TOM1L2: variants seen among roughly 807,000 people sequenced by gnomAD.
The protein encoded by TOM1L2 is TOM1-like protein 2.
In TOM1L2, 31 loss-of-function variants were observed where a neutral mutation model predicts 67.9. The ratio of observed to expected loss-of-function variants is 0.46; its 90% CI spans 0.34 to 0.62. The LOEUF (loss-of-function observed/expected upper bound fraction) is 0.62, where lower values mean the gene tolerates loss of function less well. TOM1L2 is among the 20% of genes least tolerant of loss of function. The pLI is 0.01. For missense variants in TOM1L2, 606 were observed against 663.5 expected, an observed-to-expected ratio of 0.91 and a Z score of 0.95; for synonymous variants, 256 against 254.0, an observed-to-expected ratio of 1.01 and a Z score of -0.07.
At chr17:17,881,821 C>T (rs548951073) in intron 6 of TOM1L2, among the ~76,000 whole-genome samples, 32 of 152,312 alleles carry the variant, frequency 2.1e-4, no homozygotes, top group African/African-American at 7.0e-4. Context: ...GTGAGGAACA[C>T]GACACAACAC....
chr17:17,848,961 G>A (rs2035811088), intron 13 of TOM1L2, 102 bp from the exon 14 acceptor site: 1 of 1,160,738 alleles, frequency 8.6e-7, no homozygotes. Flanking sequence ...GCACTGCCCA[G>A]GGTAGCCTGA....
intron 12 of TOM1L2, chr17:17,857,671 T>C (rs2143634887): frequency 9.2e-7 from 1 of 1,088,112 alleles, no homozygotes; most frequent in Non-Finnish European, 1.3e-6. Flanking sequence ...ACTGTCTGAT[T>C]CACAAAGGCT....
intron 1 of TOM1L2, among the ~76,000 whole-genome samples, chr17:17,926,968 C>T (rs1167380260): frequency 6.6e-6 from 1 of 152,220 alleles, no homozygotes; most frequent in East Asian, 1.9e-4. Context: ...GGCTAACAGA[C>T]TTATCACACA....
chr17:17,924,174 T>C (rs545582280), intron 1 of TOM1L2, among the ~76,000 whole-genome samples: 9 of 152,068 alleles, frequency 5.9e-5, no homozygotes, highest in African/African-American at 1.9e-4. Flanking sequence ...TGACTACATA[T>C]TGTATGATTC....
intron 13 of TOM1L2, among the ~76,000 whole-genome samples, chr17:17,850,101 G>A (rs1224177240): frequency 6.6e-6 from 1 of 152,160 alleles, no homozygotes; most frequent in East Asian, 1.9e-4. Context: ...CCCCTACAGA[G>A]GAGGCACCTA....
At chr17:17,868,030 G>C (rs1320945519) in intron 8 of TOM1L2, among the ~76,000 whole-genome samples, 2 of 152,196 alleles carry the variant, frequency 1.3e-5, no homozygotes, top group African/African-American at 2.4e-5. Flanking sequence ...CTTGGACTGG[G>C]AGACTCTTGG....
chr17:17,895,434 T>G (rs1461185269), intron 3 of TOM1L2, among the ~76,000 whole-genome samples: 1 of 152,130 alleles, frequency 6.6e-6, no homozygotes, highest in Admixed American at 6.5e-5. Context: ...TAAAGAAAGG[T>G]CCATAACTGG....
At chr17:17,870,190 G>A (rs2037076701) in intron 7 of TOM1L2, among the ~76,000 whole-genome samples, 1 of 152,134 alleles carries the variant, frequency 6.6e-6, no homozygotes, top group South Asian at 2.1e-4. Context: ...GCAGCTCCCT[G>A]GCTGGCCGAA....
chr17:17,857,660 T>G (rs1395706622), intron 12 of TOM1L2: 1 of 947,752 alleles, frequency 1.1e-6, no homozygotes, highest in East Asian at 2.6e-5. Context: ...TGTGGCCTTG[T>G]ACTGTCTGAT....
intron 1 of TOM1L2, among the ~76,000 whole-genome samples, chr17:17,924,932 C>G (rs1292266591): frequency 6.6e-6 from 1 of 152,106 alleles, no homozygotes; most frequent in Non-Finnish European, 1.5e-5. Context: ...GGAGGTAGGG[C>G]CTGGTGGGCA....
intron 11 of TOM1L2, chr17:17,862,522 T>C (rs1479856685): frequency 2.0e-6 from 1 of 496,086 alleles, no homozygotes; most frequent in African/African-American, 2.0e-5. Flanking sequence ...GGCAGGAGAG[T>C]GTGTGTGTGT....
At chr17:17,955,716 T>C (rs541837741) in intron 1 of TOM1L2, among the ~76,000 whole-genome samples, 1 of 152,306 alleles carries the variant, frequency 6.6e-6, no homozygotes, top group Non-Finnish European at 1.5e-5. Flanking sequence ...GGTGGGTTCT[T>C]GGTCTCACTG....
intron 8 of TOM1L2, among the ~76,000 whole-genome samples, chr17:17,867,854 G>T (rs552882386): frequency 6.6e-6 from 1 of 152,290 alleles, no homozygotes; most frequent in East Asian, 1.9e-4. Flanking sequence ...TTCAACAGTG[G>T]TCTACAAGGA....
At chr17:17,886,078 A>G (rs2037983658) in intron 4 of TOM1L2, among the ~76,000 whole-genome samples, 1 of 152,128 alleles carries the variant, frequency 6.6e-6, no homozygotes, top group Non-Finnish European at 1.5e-5. Context: ...TCCTGTGCCC[A>G]TGACTCCATT....
In TOM1L2 at chr17:17,898,602, T is replaced by C. The variant is rs752427521; in HGVS notation, c.210A>G (p.Ala70=). Residue 70 remains alanine, a synonymous_variant, in exon 3 of 15, where the codon GCA becomes GCG. Transcript: ENST00000379504. The stretch of plus-strand genomic sequence containing the variant: ...CAAGGAGAATAGCACTCACTGTTAA[T>C]GCCAGCATCACCTCTCTGTAGTTCC... ...GNRNYREVML[A]LTVLETCVKN... 2 of 1,614,226 alleles carry C rather than the reference T, an allele frequency of 1.2e-6. No individual in the cohort carries two copies. Among genetic ancestry groups the C allele is most frequent in the Non-Finnish European group, 8.5e-7 (1 of 1,180,030 alleles).
rs773862235 is a variant in TOM1L2 at position 17,884,750 on chromosome 17, G to A, written c.385C>T (p.Arg129Ter). 2 of 1,613,538 alleles carry A rather than the reference G, an allele frequency of 1.2e-6. No individual in the cohort carries two copies. Among genetic ancestry groups the A allele is most frequent in the Non-Finnish European group, 1.7e-6 (2 of 1,180,016 alleles). The change falls in exon 5 of 15, where the codon CGA becomes TGA. Residue 129 changes from arginine to a stop codon, truncating the protein, a stop_gained. Transcript: ENST00000379504. LOFTEE classifies it high-confidence loss of function. The stretch of plus-strand genomic sequence containing the variant: ...ACGCCGGTGAGATCAGGACTGCTTC[G>A]AAAGGCATCAGCCCATGCCTGGGAT... ...ALIQAWADAF[R>*]SSPDLTGVVH...
chr17:17,944,797 A>C (rs887609939), intron 1 of TOM1L2, among the ~76,000 whole-genome samples: 1 of 152,240 alleles, frequency 6.6e-6, no homozygotes, highest in African/African-American at 2.4e-5. Flanking sequence ...TGTGCTCTCC[A>C]TATTAAATGC....
chr17:17,948,430 C>T (rs919746187), intron 1 of TOM1L2, among the ~76,000 whole-genome samples: 8 of 152,326 alleles, frequency 5.3e-5, no homozygotes, highest in African/African-American at 1.7e-4. Context: ...AGGCAGATCA[C>T]TTGAGGTCAG....
chr17:17,901,770 G>A (rs1244842475), intron 2 of TOM1L2, among the ~76,000 whole-genome samples: 1 of 152,220 alleles, frequency 6.6e-6, no homozygotes, highest in Non-Finnish European at 1.5e-5. Context: ...CCATGTAAAT[G>A]ACCCAGGTCA....
Sources: gnomAD v4.1 joint callset for allele counts (sites outside exome capture counted in the v4.1 genomes callset) on GRCh38, gnomAD v4.1.1 for gene constraint, MANE v1.5 for transcripts, NCBI Gene and HGNC (gene_info 2026-07-23, HGNC 2026-07-21) for gene names.